The following WASHC2C variants were observed in gnomAD, a reference collection of about 807,000 sequenced individuals.
WASHC2C encodes WASH complex subunit 2C.
In WASHC2C, 73 loss-of-function variants were observed where a neutral mutation model predicts 142.2. The ratio of observed to expected loss-of-function variants is 0.51; its 90% CI spans 0.43 to 0.62. WASHC2C has a LOEUF of 0.62. Among genes scored for constraint, WASHC2C ranks in the 20% least tolerant of loss-of-function variants. The probability of loss-of-function intolerance (pLI) is 0.00; values close to 1 mark genes in which losing one functional copy is unlikely to be tolerated. For missense variants in WASHC2C, 969 were observed against 1,531.7 expected, an observed-to-expected ratio of 0.63 and a Z score of 6.13; for synonymous variants, 337 against 565.5, an observed-to-expected ratio of 0.60 and a Z score of 5.73.
intron 4 of WASHC2C, among the ~76,000 whole-genome samples, chr10:45,739,263 A>C (rs1696181860): frequency 6.6e-6 from 1 of 151,538 alleles, no homozygotes; most frequent in African/African-American, 2.4e-5. Context: ...AGTACTTGAG[A>C]TAAAAGACTA....
chr10:45,784,289 T>TATATATATATATATATAC (rs1333007505), intron 23 of WASHC2C, among the ~76,000 whole-genome samples: 1 of 17,720 alleles, frequency 5.6e-5, no homozygotes, highest in South Asian at 2.9e-3. Flanking sequence ...TATATATATA[T>TATATATATATATATATAC]ACACATATAT....
intron 21 of WASHC2C, 53 bp from the exon 22 acceptor site, chr10:45,777,220 G>C: frequency 7.8e-7 from 1 of 1,279,984 alleles, no homozygotes; most frequent in South Asian, 1.3e-5. Flanking sequence ...TGGCCATGCT[G>C]GTCAGACACA....
At chr10:45,730,828 C>G (rs544448617) in intron 3 of WASHC2C, among the ~76,000 whole-genome samples, 4 of 152,096 alleles carry the variant, frequency 2.6e-5, no homozygotes, top group Admixed American at 2.6e-4. Context: ...ACCGAGTTAG[C>G]CAGGATGATC....
chr10:45,741,472 C>G (rs1202428786), intron 5 of WASHC2C, among the ~76,000 whole-genome samples: 1 of 151,454 alleles, frequency 6.6e-6, no homozygotes, highest in Admixed American at 6.6e-5. Flanking sequence ...TTTTTTTTTC[C>G]CCTTGCAGAG....
chr10:45,768,234 G>GAAAA (rs1169870861), intron 19 of WASHC2C, among the ~76,000 whole-genome samples: 27 of 76,438 alleles, frequency 3.5e-4, no homozygotes, highest in East Asian at 4.2e-4. Context: ...CTCGAAAAAG[G>GAAAA]AAAAAAAAAA....
In WASHC2C at chr10:45,792,369, A is replaced by T. The variant is rs1279234648; in HGVS notation, c.3995A>T (p.Asp1332Val). Residue 1332 changes from aspartate to valine, a missense_variant, in exon 31 of 31, where the codon GAT becomes GTT. Physicochemically the swap from Asp to Val is radical, Grantham distance 152. Coordinates refer to ENST00000623400, the MANE Select transcript of WASHC2C (RefSeq NM_001330074.2). ...RFEHKVSNIF[D>V]DPLNAFGGQ is the part of the protein sequence containing the mutation. ...GAACACAAGGTGTCCAACATCTTTG[A>T]TGATCCCCTGAATGCCTTTGGAGGC... 3 of 1,565,178 alleles carry T rather than the reference A, an allele frequency of 1.9e-6. No homozygotes were observed. In the East Asian group the frequency reaches 6.7e-5, roughly 35 times the overall value.
chr10:45,788,673 A>G (rs2058221930), intron 28 of WASHC2C, among the ~76,000 whole-genome samples, 198 bp from the exon 29 acceptor site: 1 of 152,226 alleles, frequency 6.6e-6, no homozygotes, highest in South Asian at 2.1e-4. Context: ...AGAATGACTT[A>G]GTCTTGGAGT....
intron 18 of WASHC2C, among the ~76,000 whole-genome samples, chr10:45,765,293 A>C (rs1380273437): frequency 3.3e-5 from 5 of 150,828 alleles, no homozygotes; most frequent in Non-Finnish European, 7.4e-5. Flanking sequence ...TCGTGGAGAC[A>C]ACAGTGTGAG....
intron 11 of WASHC2C, among the ~76,000 whole-genome samples, chr10:45,751,894 T>G (rs1432375677): frequency 6.6e-6 from 1 of 152,028 alleles, no homozygotes; most frequent in Non-Finnish European, 1.5e-5. Flanking sequence ...GGAGAATCAC[T>G]TGAACCCGGG....
intron 3 of WASHC2C, among the ~76,000 whole-genome samples, chr10:45,736,438 G>T (rs1178780160): frequency 1.1e-5 from 1 of 92,500 alleles, no homozygotes; most frequent in African/African-American, 3.6e-5. Flanking sequence ...AAAAAAAAAA[G>T]GGCAAAAACA....
chr10:45,787,217 T>A lies in WASHC2C; in HGVS notation c.3057T>A (p.Ala1019=), dbSNP rs1477752967. Residue 1019 remains alanine, a synonymous_variant, in exon 28 of 31, where the codon GCT becomes GCA. Coordinates refer to ENST00000623400, the MANE Select transcript of WASHC2C (RefSeq NM_001330074.2). The part of the protein sequence containing the change: ...GEAGVSFDLP[A]QADTLHSANK... ...CCGGTGTGAGTTTTGATCTTCCAGC[T>A]CAGGCAGACACCTTACACAGTGCAA... 4.0e-6 allele frequency: 6 copies of A among 1,516,618 alleles called. No homozygotes were observed. In the Admixed American group the frequency reaches 9.8e-5, roughly 25 times the overall value. The allele number at this position is 1,516,618 out of a possible 1,614,324, so 93.9% of individuals were successfully genotyped here.
At chr10:45,785,743 C>G in intron 26 of WASHC2C, 112 bp downstream of exon 26, 2 of 1,594,052 alleles carry the variant, frequency 1.3e-6, no homozygotes, top group South Asian at 2.3e-5. Flanking sequence ...GAGGAAACAG[C>G]AACCAGGGCT....
chr10:45,790,327 T>G (rs1295777384), intron 29 of WASHC2C, 29 bp from the exon 30 acceptor site: 10 of 1,609,480 alleles, frequency 6.2e-6, no homozygotes, highest in Non-Finnish European at 8.5e-6. Context: ...GATTTAACAT[T>G]GTTTTGTATG....
chr10:45,754,353 G>T, intron 13 of WASHC2C, 133 bp from the exon 14 acceptor site: 1 of 1,533,272 alleles, frequency 6.5e-7, no homozygotes, highest in Admixed American at 2.0e-5. Context: ...ATTTTAAAAT[G>T]GCTTGTTCAG....
intron 17 of WASHC2C, among the ~76,000 whole-genome samples, chr10:45,762,042 G>GAAAT (rs562536569): frequency 0.033 from 5,006 of 150,600 alleles, 42 homozygotes; most frequent in East Asian, 0.047. Flanking sequence ...AGAGGTCTTA[G>GAAAT]AAATATCTTC....
At chr10:45,758,868 A>C (rs1469646489) in intron 16 of WASHC2C, among the ~76,000 whole-genome samples, 62 of 149,412 alleles carry the variant, frequency 4.1e-4, no homozygotes, top group Non-Finnish European at 1.9e-4. Flanking sequence ...GTGTGTCCCC[A>C]GCAGTCTTTA....
chr10:45,791,557 T>C lies in WASHC2C; in HGVS notation c.3887-704T>C, dbSNP rs2058394329. ...GTCAGTACGCAGAGATCTCCTTCCT[T>C]GTTTTCAGTGCTGTGCACGATTTCT... On this transcript the variant is annotated intron_variant, in intron 30 of 30. Coordinates refer to ENST00000623400, the MANE Select transcript of WASHC2C (RefSeq NM_001330074.2). 1.4e-5 allele frequency among the ~76,000 whole-genome samples: 2 copies of C among 146,032 alleles called. 1 individual carries two copies. The highest frequency in any genetic ancestry group is 5.0e-5 in the African/African-American group (2 of 40,010).
chr10:45,791,802 G>A lies in WASHC2C; in HGVS notation c.3887-459G>A, dbSNP rs1453212747. On this transcript the variant is annotated intron_variant, in intron 30 of 30. Coordinates refer to ENST00000623400, the MANE Select transcript of WASHC2C (RefSeq NM_001330074.2). ...TGAAACACTAAACGAATGCAGTGAC[G>A]GAGGCTTACAGTCTTACATCGAGAT... Among the ~76,000 whole-genome samples the A allele has an allele frequency of 1.2e-4, 18 of 146,074 alleles. 2 individuals are homozygous for A. The highest frequency in any genetic ancestry group is 4.5e-4 in the African/African-American group (18 of 40,046).
intron 28 of WASHC2C, among the ~76,000 whole-genome samples, chr10:45,788,356 T>C (rs190554425): frequency 2.5e-4 from 38 of 152,390 alleles, no homozygotes; most frequent in Non-Finnish European, 5.4e-4. Context: ...TCAATGTTTA[T>C]TGACTTGAAG....
Sources: gnomAD v4.1 joint callset for allele counts (sites outside exome capture counted in the v4.1 genomes callset) on GRCh38, gnomAD v4.1.1 for gene constraint, MANE v1.5 for transcripts, NCBI Gene and HGNC (gene_info 2026-07-23, HGNC 2026-07-21) for gene names.